Variants in RGS6 observed in about 807,000 individuals in gnomAD.
RGS6 encodes regulator of G protein signaling 6.
In RGS6, 30 loss-of-function variants were observed where a neutral mutation model predicts 78.5. The ratio of observed to expected loss-of-function variants is 0.38; its 90% CI spans 0.29 to 0.52. The LOEUF is 0.52. Ranked by LOEUF, RGS6 falls within the 20% of genes least tolerant of loss-of-function variation. The probability of loss-of-function intolerance (pLI) is 0.85; values close to 1 mark genes in which losing one functional copy is unlikely to be tolerated. For missense variants in RGS6, 495 were observed against 609.7 expected, an observed-to-expected ratio of 0.81 and a Z score of 1.98; for synonymous variants, 206 against 206.0, an observed-to-expected ratio of 1.00 and a Z score of 0.00.
At chr14:71,931,260 C>T (rs1310457578), upstream of RGS6, among the ~76,000 whole-genome samples, 2 of 152,104 alleles carry the variant, frequency 1.3e-5, no homozygotes, top group African/African-American at 2.4e-5. Flanking sequence ...CCCCACCCCC[C>T]GCCTTTCTGT....
chr14:71,966,030 C>T (rs1307379761), intron 2 of RGS6, among the ~76,000 whole-genome samples: 1 of 152,162 alleles, frequency 6.6e-6, no homozygotes, highest in Non-Finnish European at 1.5e-5. Context: ...GAAAATGGCA[C>T]ATAAGTTTAT....
chr14:72,387,851 C>A (rs1262416663), intron 3 of RGS6, among the ~76,000 whole-genome samples: 2 of 152,120 alleles, frequency 1.3e-5, no homozygotes, highest in South Asian at 2.1e-4. Flanking sequence ...ATGGTGGGGG[C>A]AGGGTTGGTT....
At chr14:72,196,588 C>T (rs1330935820) in intron 2 of RGS6, among the ~76,000 whole-genome samples, 1 of 152,186 alleles carries the variant, frequency 6.6e-6, no homozygotes, top group Non-Finnish European at 1.5e-5. Context: ...GAAGTTCTTG[C>T]CTAATGAAGA....
At chr14:72,083,169 T>C (rs1350322703) in intron 2 of RGS6, among the ~76,000 whole-genome samples, 1 of 152,198 alleles carries the variant, frequency 6.6e-6, no homozygotes, top group Non-Finnish European at 1.5e-5. Flanking sequence ...CATACGCTCA[T>C]TCTTGTACCA....
intron 12 of RGS6, among the ~76,000 whole-genome samples, chr14:72,482,829 G>T (rs1245428420): frequency 6.6e-6 from 1 of 152,190 alleles, no homozygotes; most frequent in East Asian, 1.9e-4. Context: ...AGATTCAAGG[G>T]CAGAAGAAAT....
At chr14:72,488,636 G>T (rs2096531379) in intron 12 of RGS6, among the ~76,000 whole-genome samples, 1 of 152,182 alleles carries the variant, frequency 6.6e-6, no homozygotes, top group Admixed American at 6.5e-5. Context: ...CTGGTCAGCG[G>T]ACAGCTGCCT....
At chr14:72,345,522 T>A (rs8016719) in intron 2 of RGS6, among the ~76,000 whole-genome samples, 68,841 of 151,832 alleles carry the variant, frequency 0.45, 15,876 homozygotes, top group South Asian at 0.57. Flanking sequence ...TAAAAGAGGG[T>A]TGGAAAGAAG....
At chr14:72,366,748 G>A (rs765634921) in intron 3 of RGS6, among the ~76,000 whole-genome samples, 14 of 152,132 alleles carry the variant, frequency 9.2e-5, no homozygotes, top group Non-Finnish European at 1.8e-4. Flanking sequence ...GTGAGTCTTC[G>A]GAGTTTCCAA....
intron 2 of RGS6, among the ~76,000 whole-genome samples, chr14:72,101,183 C>A: frequency 6.6e-6 from 1 of 152,140 alleles, no homozygotes; most frequent in Admixed American, 6.5e-5. Flanking sequence ...GTCTCAAAAA[C>A]AAACAAACAA....
rs151133405 is a variant in RGS6, at chr14:72,466,420, A to G, written c.459+598A>G. Reference sequence around the variant, plus strand: ...AGAAATCAGAACTCATGTTCACACAAACACCTATAAACTAATGTTCATACA... The same window carrying G: ...AGAAATCAGAACTCATGTTCACACAGACACCTATAAACTAATGTTCATACA... On this transcript the variant is annotated intron_variant, in intron 7 of 17. Transcript: ENST00000553525. Among the ~76,000 whole-genome samples the G allele has an allele frequency of 7.6e-3, 1,165 of 152,362 alleles. 14 individuals carry two copies. Among genetic ancestry groups the G allele is most frequent in the African/African-American group, 0.027 (1,105 of 41,586 alleles).
chr14:72,552,650 T>G (rs1321360565), intron 17 of RGS6: 2 of 152,192 alleles, frequency 1.3e-5, no homozygotes, highest in Non-Finnish European at 2.9e-5. Flanking sequence ...GCTCCGTCAG[T>G]CCAATAAACA....
At chr14:72,141,666 C>T (rs920769360) in intron 2 of RGS6, among the ~76,000 whole-genome samples, 2 of 152,138 alleles carry the variant, frequency 1.3e-5, no homozygotes, top group African/African-American at 2.4e-5. Context: ...TTCTTGTCCT[C>T]CCCAAAGATG....
chr14:72,574,708 T>C, the RGS6 span, among the ~76,000 whole-genome samples: 1 of 152,106 alleles, frequency 6.6e-6, no homozygotes, highest in Non-Finnish European at 1.5e-5. Context: ...AGAATGCACA[T>C]GGCAAAGGGA....
At chr14:72,366,619 C>A (rs1300115869) in intron 3 of RGS6, among the ~76,000 whole-genome samples, 1 of 152,112 alleles carries the variant, frequency 6.6e-6, no homozygotes, top group Non-Finnish European at 1.5e-5. Flanking sequence ...AGCAAGGTGC[C>A]CACAGAAAGG....
chr14:71,876,468 C>T, the RGS6 span, among the ~76,000 whole-genome samples: 732 of 119,828 alleles, frequency 6.1e-3, 17 homozygotes, highest in African/African-American at 0.022. Flanking sequence ...GGTTTGCAAC[C>T]GCTGCTTTTT....
intron 2 of RGS6, among the ~76,000 whole-genome samples, chr14:72,104,181 C>T (rs1370003854): frequency 6.6e-6 from 1 of 151,986 alleles, no homozygotes; most frequent in Non-Finnish European, 1.5e-5. Flanking sequence ...CTCCCATGGG[C>T]GCCCCCGGTT....
chr14:72,048,550 A>G (rs2093023870), intron 2 of RGS6, among the ~76,000 whole-genome samples: 1 of 152,188 alleles, frequency 6.6e-6, no homozygotes, highest in Non-Finnish European at 1.5e-5. Context: ...TTATGGTCAT[A>G]GTGCTTTCCA....
chr14:72,453,285 A>G (rs2095540723), intron 3 of RGS6, among the ~76,000 whole-genome samples: 1 of 152,112 alleles, frequency 6.6e-6, no homozygotes, highest in Non-Finnish European at 1.5e-5. Context: ...TGTGAATGGG[A>G]CATGTATTGG....
At position 72,297,200 on chromosome 14, in the gene RGS6, A is replaced by G. The variant is rs149469178; in HGVS notation, c.85-54895A>G. On this transcript the variant is annotated intron_variant, in intron 2 of 17. Transcript: ENST00000553525. ...TGTTTATAGTTAATCATGAAATTAG[A>G]TAGAGTAAGTCCTTCAACTTTGTTC... 3.4e-3 allele frequency among the ~76,000 whole-genome samples: 515 copies of G among 152,212 alleles called. 6 individuals carry two copies. The highest frequency in any genetic ancestry group is 0.012 in the African/African-American group (499 of 41,568).
Sources: allele counts gnomAD v4.1 joint callset (sites outside exome capture counted in the v4.1 genomes callset), GRCh38; gene constraint gnomAD v4.1.1; transcripts MANE v1.5; gene names NCBI Gene and HGNC (gene_info 2026-07-23, HGNC 2026-07-21).